KIAA1549L: variants seen among roughly 807,000 people sequenced by gnomAD.
The protein encoded by KIAA1549L is UPF0606 protein KIAA1549L.
KIAA1549L carries 88 observed loss-of-function variants against 160.7 expected under a neutral mutation model. The observed-to-expected ratio is 0.55, with a 90% CI of 0.46 to 0.65. KIAA1549L has a LOEUF of 0.65. KIAA1549L is among the 30% of genes least tolerant of loss of function. The pLI, the probability that KIAA1549L is intolerant of heterozygous loss-of-function variation, is 0.00. For synonymous variants in KIAA1549L, 950 were observed against 976.7 expected (o/e 0.97, Z 0.51); for missense variants, 2,258 against 2,437.5 (o/e 0.93, Z 1.55).
chr11:33,397,710 TCA>T (rs71034679), intron 1 of KIAA1549L, among the ~76,000 whole-genome samples: 10,164 of 142,738 alleles, frequency 0.071, 361 homozygotes, highest in African/African-American at 0.089. Flanking sequence ...AGACTCCATC[TCA>T]CACACACACA....
At chr11:33,378,144 C>T (rs1395440051) in intron 1 of KIAA1549L, among the ~76,000 whole-genome samples, 3 of 152,172 alleles carry the variant, frequency 2.0e-5, no homozygotes, top group Admixed American at 6.5e-5. Flanking sequence ...GAAAGACCCA[C>T]GTAAATACCT....
chr11:33,608,790 A>C (rs1002759376), intron 14 of KIAA1549L, among the ~76,000 whole-genome samples: 1 of 152,176 alleles, frequency 6.6e-6, no homozygotes, highest in Non-Finnish European at 1.5e-5. Flanking sequence ...TGGCATTTGG[A>C]TTGGAAGAGA....
intron 1 of KIAA1549L, among the ~76,000 whole-genome samples, chr11:33,485,415 A>C (rs1176655429): frequency 6.6e-6 from 1 of 152,192 alleles, no homozygotes; most frequent in African/African-American, 2.4e-5. Context: ...GTCATTGTCA[A>C]TGTGTACCTT....
intron 13 of KIAA1549L, among the ~76,000 whole-genome samples, chr11:33,602,038 TA>T (rs1180970452): frequency 1.3e-5 from 2 of 152,216 alleles, no homozygotes; most frequent in Non-Finnish European, 2.9e-5. Context: ...AGGAAAGAGT[TA>T]AAAGTAAGTT....
chr11:33,494,958 G>A (rs1269308644), intron 1 of KIAA1549L, among the ~76,000 whole-genome samples: 1 of 152,144 alleles, frequency 6.6e-6, no homozygotes, highest in African/African-American at 2.4e-5. Context: ...TGCGTTCTTT[G>A]TTAAGTGCTA....
At chr11:33,498,077 C>T (rs149055796) in intron 1 of KIAA1549L, among the ~76,000 whole-genome samples, 1 of 152,208 alleles carries the variant, frequency 6.6e-6, no homozygotes, top group Non-Finnish European at 1.5e-5. Flanking sequence ...TTGCTTGAGG[C>T]TAAGAGTTTG....
At chr11:33,511,694 C>T (rs1464452737) in intron 1 of KIAA1549L, among the ~76,000 whole-genome samples, 1 of 152,202 alleles carries the variant, frequency 6.6e-6, no homozygotes, top group African/African-American at 2.4e-5. Context: ...AACTGTAGAG[C>T]TCATGGATGG....
At chr11:33,619,447 A>G (rs1174425579) in intron 16 of KIAA1549L, among the ~76,000 whole-genome samples, 6 of 152,248 alleles carry the variant, frequency 3.9e-5, no homozygotes, top group African/African-American at 7.2e-5. Flanking sequence ...TAATTCAAAT[A>G]TATCTAGATA....
At chr11:33,415,569 AG>A (rs1850871645) in intron 1 of KIAA1549L, among the ~76,000 whole-genome samples, 2 of 152,178 alleles carry the variant, frequency 1.3e-5, no homozygotes, top group African/African-American at 2.4e-5. Context: ...TGGTTCTGAG[AG>A]GAAGCAGCAT....
At chr11:33,460,478 G>A (rs149033507) in intron 1 of KIAA1549L, among the ~76,000 whole-genome samples, 122 of 152,322 alleles carry the variant, frequency 8.0e-4, no homozygotes, top group African/African-American at 2.7e-3. Context: ...GGTTCCTGGT[G>A]TAGCAGAACC....
chr11:33,401,101 T>C (rs1412691597), intron 1 of KIAA1549L, among the ~76,000 whole-genome samples: 2 of 152,004 alleles, frequency 1.3e-5, no homozygotes, highest in African/African-American at 4.8e-5. Context: ...CTGTGGGCAT[T>C]ACAGAGGCTT....
At chr11:33,394,143 C>A (rs1850323124) in intron 1 of KIAA1549L, among the ~76,000 whole-genome samples, 1 of 152,098 alleles carries the variant, frequency 6.6e-6, no homozygotes, top group South Asian at 2.1e-4. Context: ...GAGGCTGAGG[C>A]CAGAGGATCG....
chr11:33,478,495 C>A (rs1363679157), intron 1 of KIAA1549L, among the ~76,000 whole-genome samples: 11 of 152,214 alleles, frequency 7.2e-5, no homozygotes, highest in African/African-American at 2.7e-4. Context: ...CTGATGGGCT[C>A]CGCCTGCAGA....
intron 1 of KIAA1549L, among the ~76,000 whole-genome samples, chr11:33,521,589 A>C (rs1047398825): frequency 6.6e-6 from 1 of 152,178 alleles, no homozygotes; most frequent in African/African-American, 2.4e-5. Flanking sequence ...GGTAAGTTTC[A>C]TGTATACAGT....
intron 9 of KIAA1549L, among the ~76,000 whole-genome samples, chr11:33,573,103 G>T (rs1020825524): frequency 7.2e-5 from 11 of 152,052 alleles, no homozygotes; most frequent in African/African-American, 2.7e-4. Flanking sequence ...CAGCTCTTTT[G>T]CCCATTTTCT....
intron 16 of KIAA1549L, among the ~76,000 whole-genome samples, chr11:33,622,462 T>C (rs1850984531): frequency 6.6e-6 from 1 of 152,186 alleles, no homozygotes; most frequent in South Asian, 2.1e-4. Flanking sequence ...AGTCATAGCA[T>C]GATCCAGGAA....
chr11:33,576,748 G>A (rs116514334), intron 10 of KIAA1549L, among the ~76,000 whole-genome samples: 2,874 of 152,328 alleles, frequency 0.019, 111 homozygotes, highest in African/African-American at 0.066. Context: ...TGACTCCTAG[G>A]TGCTGGCTTG....
At chr11:33,501,721 T>A (rs1191048768) in intron 1 of KIAA1549L, among the ~76,000 whole-genome samples, 1 of 151,788 alleles carries the variant, frequency 6.6e-6, no homozygotes, top group South Asian at 2.1e-4. Context: ...ATAATAATAA[T>A]AACTAATATT....
chr11:33,423,808 G>A (rs1422134662), intron 1 of KIAA1549L, among the ~76,000 whole-genome samples: 1 of 152,170 alleles, frequency 6.6e-6, no homozygotes, highest in African/African-American at 2.4e-5. Flanking sequence ...CAGGAGAATT[G>A]CTTCAGCCTA....
Sources: allele counts gnomAD v4.1 joint callset (sites outside exome capture counted in the v4.1 genomes callset), GRCh38; gene constraint gnomAD v4.1.1; transcripts MANE v1.5; gene names NCBI Gene and HGNC (gene_info 2026-07-23, HGNC 2026-07-21).